The following KRABD5 variants were observed in gnomAD, a reference collection of about 807,000 sequenced individuals.
KRABD5 encodes the protein KRAB domain containing 5, also known as KRAB domain-containing protein 5.
chr16:31,743,493 G>A, the KRABD5 span, among the ~76,000 whole-genome samples: 2 of 152,068 alleles, frequency 1.3e-5, no homozygotes, highest in Non-Finnish European at 2.9e-5. Flanking sequence ...ATCTGTTTTG[G>A]TACCAGTACC....
the KRABD5 span, among the ~76,000 whole-genome samples, chr16:31,726,745 G>A: frequency 1.3e-5 from 2 of 152,010 alleles, no homozygotes; most frequent in Non-Finnish European, 2.9e-5. Context: ...GAGCAACAGC[G>A]AGACTCTGCC....
At chr16:31,760,697 G>A in the KRABD5 span, 1 of 152,164 alleles carries the variant, frequency 6.6e-6, no homozygotes, top group Non-Finnish European at 1.5e-5. Flanking sequence ...TTCAGGCACA[G>A]TAATTTGATT....
chr16:31,752,794 G>T, the KRABD5 span, among the ~76,000 whole-genome samples: 13 of 152,132 alleles, frequency 8.5e-5, no homozygotes, highest in Non-Finnish European at 1.8e-4. Flanking sequence ...TTTAGGCCAG[G>T]AATTCGAGGT....
the KRABD5 span, among the ~76,000 whole-genome samples, chr16:31,739,005 G>A: frequency 6.6e-6 from 1 of 152,048 alleles, no homozygotes; most frequent in Non-Finnish European, 1.5e-5. Flanking sequence ...TTTATACTGT[G>A]AATCCATTAG....
chr16:31,729,062 A>G, the KRABD5 span, among the ~76,000 whole-genome samples: 1 of 152,298 alleles, frequency 6.6e-6, no homozygotes, highest in Non-Finnish European at 1.5e-5. Context: ...ATTTTGTCAG[A>G]CAGCCTGTTT....
the KRABD5 span, among the ~76,000 whole-genome samples, chr16:31,744,756 G>C: frequency 6.6e-6 from 1 of 152,052 alleles, no homozygotes; most frequent in Non-Finnish European, 1.5e-5. Flanking sequence ...CTGGTCCTGG[G>C]CATTTTTTGG....
the KRABD5 span, among the ~76,000 whole-genome samples, chr16:31,743,391 T>C: frequency 6.6e-6 from 1 of 152,206 alleles, no homozygotes; most frequent in Non-Finnish European, 1.5e-5. Flanking sequence ...CCTTTCCCCA[T>C]TGCTTGTTTT....
the KRABD5 span, among the ~76,000 whole-genome samples, chr16:31,726,405 C>T: frequency 6.6e-6 from 1 of 152,092 alleles, no homozygotes. Flanking sequence ...AAGTGTGATG[C>T]CTTCACCTTC....
At chr16:31,715,759 T>A in the KRABD5 span, among the ~76,000 whole-genome samples, 1 of 152,074 alleles carries the variant, frequency 6.6e-6, no homozygotes, top group African/African-American at 2.4e-5. Flanking sequence ...CCAGTTGGTG[T>A]TGGAGAATTG....
chr16:31,755,745 A>T, the KRABD5 span: 2 of 360,588 alleles, frequency 5.5e-6, no homozygotes, highest in Non-Finnish European at 1.1e-5. Flanking sequence ...AAAGAGTTTT[A>T]TCCAAAATTT....
At chr16:31,726,000 G>GT in the KRABD5 span, among the ~76,000 whole-genome samples, 2 of 152,058 alleles carry the variant, frequency 1.3e-5, no homozygotes, top group Non-Finnish European at 2.9e-5. Flanking sequence ...TTTTGTTTTT[G>GT]TTTTTTGATT....
chr16:31,743,599 A>G, the KRABD5 span, among the ~76,000 whole-genome samples: 1 of 152,160 alleles, frequency 6.6e-6, no homozygotes, highest in African/African-American at 2.4e-5. Flanking sequence ...TGTCTTGGCT[A>G]TATGGGGTCT....
At chr16:31,737,844 G>T in the KRABD5 span, among the ~76,000 whole-genome samples, 1 of 152,076 alleles carries the variant, frequency 6.6e-6, no homozygotes, top group African/African-American at 2.4e-5. Flanking sequence ...TTTAGACTAT[G>T]TTAATACTTG....
the KRABD5 span, among the ~76,000 whole-genome samples, chr16:31,748,148 A>T: frequency 6.6e-6 from 1 of 152,082 alleles, no homozygotes; most frequent in African/African-American, 2.4e-5. Flanking sequence ...TCTTTAATCC[A>T]TCTTGAATTA....
the KRABD5 span, chr16:31,723,114 T>G: frequency 1.1e-6 from 1 of 902,838 alleles, no homozygotes; most frequent in South Asian, 1.7e-5. Flanking sequence ...TTCCTGAATA[T>G]TCTAAAGAAG....
chr16:31,723,289 CT>C, the KRABD5 span: 9 of 1,613,862 alleles, frequency 5.6e-6, no homozygotes, highest in Admixed American at 1.5e-4. Context: ...ACCTGATCAC[CT>C]TTTTGGAGCA....
chr16:31,716,101 T>G, the KRABD5 span, among the ~76,000 whole-genome samples: 1 of 152,176 alleles, frequency 6.6e-6, no homozygotes, highest in Non-Finnish European at 1.5e-5. Context: ...CATAGCACCT[T>G]TGCTCCTAGA....
chr16:31,754,671 A>T, the KRABD5 span: 35 of 459,208 alleles, frequency 7.6e-5, no homozygotes, highest in Admixed American at 8.0e-4. Context: ...TCATCAAAAC[A>T]TACTCAGCCT....
chr16:31,725,215 A>C, the KRABD5 span, among the ~76,000 whole-genome samples: 1 of 152,084 alleles, frequency 6.6e-6, no homozygotes, highest in Non-Finnish European at 1.5e-5. Flanking sequence ...TCCTGGGTTG[A>C]AGCTATTCTG....
Sources: gnomAD v4.1 joint callset for allele counts (sites outside exome capture counted in the v4.1 genomes callset) on GRCh38, gnomAD v4.1.1 for gene constraint, MANE v1.5 for transcripts, NCBI Gene and HGNC (gene_info 2026-07-23, HGNC 2026-07-21) for gene names.